Variants in ZFR observed in about 807,000 individuals in gnomAD.
ZFR encodes the protein zinc finger RNA-binding protein.
A neutral mutation model predicts 130.7 loss-of-function variants in ZFR; 19 were observed. The ratio of observed to expected loss-of-function variants is 0.15; its 90% confidence interval spans 0.10 to 0.21. ZFR has a LOEUF of 0.21. Ranked by LOEUF, ZFR falls within the 10% of genes least tolerant of loss-of-function variation. The pLI, the probability that ZFR is intolerant of heterozygous loss-of-function variation, is 1.00. For synonymous variants in ZFR, 466 were observed against 456.9 expected, an observed-to-expected ratio of 1.02 and a Z score of -0.25; for missense variants, 872 against 1,321.5, an observed-to-expected ratio of 0.66 and a Z score of 5.27.
intron 2 of ZFR, among the ~76,000 whole-genome samples, chr5:32,430,813 C>T (rs921812885): frequency 6.6e-6 from 1 of 152,200 alleles, no homozygotes; most frequent in Non-Finnish European, 1.5e-5. Context: ...TGGTGCCTCA[C>T]ACCTGTAATC....
At chr5:32,364,569 C>T (rs910947247) in intron 17 of ZFR, 2 of 161,422 alleles carry the variant, frequency 1.2e-5, no homozygotes, top group East Asian at 1.7e-4. Context: ...CAAAAAAAAC[C>T]CCAAAAAACC....
At chr5:32,374,001 AG>A (rs1463495643) in intron 17 of ZFR, among the ~76,000 whole-genome samples, 1 of 152,188 alleles carries the variant, frequency 6.6e-6, no homozygotes, top group Non-Finnish European at 1.5e-5. Context: ...CTCTCAAAGA[AG>A]GCCTGGGTAG....
chr5:32,369,295 C>T (rs964796606), intron 17 of ZFR, among the ~76,000 whole-genome samples: 9 of 151,952 alleles, frequency 5.9e-5, no homozygotes, highest in Non-Finnish European at 1.2e-4. Context: ...CAGCAACAGC[C>T]GGGAGAACTT....
chr5:32,424,623 T>G (rs1046253973), intron 2 of ZFR, among the ~76,000 whole-genome samples: 1 of 151,790 alleles, frequency 6.6e-6, no homozygotes, highest in Non-Finnish European at 1.5e-5. Flanking sequence ...AATAAAAGAC[T>G]TTATAGGTGA....
rs1441927620 is a variant in ZFR at position 32,444,341 on chromosome 5, C to G, written c.38-13G>C. 6.5e-7 allele frequency: 1 copy of G among 1,534,376 alleles called. No homozygotes were observed. The highest frequency in any genetic ancestry group is 2.6e-5 in the East Asian group (1 of 39,176). ...AGCCGGCTGGGCACTGCGGCGGGCA[C>G]GAAGAGTCGGGTCCCATGGCGGGAC... On this transcript the variant is annotated splice_polypyrimidine_tract_variant and intron_variant, in intron 1 of 19. Transcript: ENST00000265069.
chr5:32,444,447 C>A (rs1033403899), intron 1 of ZFR, 119 bp from the exon 2 acceptor site: 1 of 1,302,326 alleles, frequency 7.7e-7, no homozygotes, highest in African/African-American at 1.6e-5. Flanking sequence ...CCTGGCGGGG[C>A]CCAGGCCGCG....
chr5:32,395,680 T>TC (rs1342865863), intron 10 of ZFR, among the ~76,000 whole-genome samples: 1 of 152,154 alleles, frequency 6.6e-6, no homozygotes, highest in Non-Finnish European at 1.5e-5. Flanking sequence ...GACCAACCCC[T>TC]CCTCTTCTTC....
chr5:32,411,985 TAAC>T (rs1024627544), intron 5 of ZFR, among the ~76,000 whole-genome samples: 1 of 151,626 alleles, frequency 6.6e-6, no homozygotes, highest in African/African-American at 2.4e-5. Flanking sequence ...TTCATAGTAA[TAAC>T]AAAAAAAGAA....
chr5:32,439,753 C>T (rs1205113793), intron 2 of ZFR, among the ~76,000 whole-genome samples: 3 of 134,368 alleles, frequency 2.2e-5, no homozygotes, highest in African/African-American at 5.6e-5. Flanking sequence ...CTGCAGTGAG[C>T]TATGATCACC....
At chr5:32,421,913 G>A (rs937125254) in intron 2 of ZFR, among the ~76,000 whole-genome samples, 1 of 151,940 alleles carries the variant, frequency 6.6e-6, no homozygotes, top group Non-Finnish European at 1.5e-5. Context: ...ATATCTGTAA[G>A]AAAATGCCAG....
At chr5:32,374,085 A>G (rs1349761585) in intron 17 of ZFR, among the ~76,000 whole-genome samples, 1 of 152,334 alleles carries the variant, frequency 6.6e-6, no homozygotes, top group Non-Finnish European at 1.5e-5. Context: ...GTCTATTCAT[A>G]CAAGTAACAA....
chr5:32,429,874 G>A (rs1754163321), intron 2 of ZFR, among the ~76,000 whole-genome samples: 1 of 151,952 alleles, frequency 6.6e-6, no homozygotes, highest in African/African-American at 2.4e-5. Flanking sequence ...TTTGACACTA[G>A]GCTGGGTAAT....
intron 4 of ZFR, among the ~76,000 whole-genome samples, chr5:32,416,302 T>C (rs1753823927): frequency 6.6e-6 from 1 of 152,154 alleles, no homozygotes; most frequent in Non-Finnish European, 1.5e-5. Context: ...TAAATTATTA[T>C]ACACGGAAAT....
chr5:32,397,719 T>G (rs1471473843), intron 9 of ZFR, among the ~76,000 whole-genome samples: 1 of 152,068 alleles, frequency 6.6e-6, no homozygotes, highest in Admixed American at 6.6e-5. Flanking sequence ...CCTCCCAAAG[T>G]GCTGGGATTA....
At position 32,384,041 on chromosome 5, in the gene ZFR, C is replaced by T. The variant is rs1752985874; in HGVS notation, c.2641+1467G>A. ...GGATAGGTTATCAAATAATTTACTG[C>T]AAATATGACACTATTCACTTTAGAC... On this transcript the variant is annotated intron_variant, in intron 15 of 19. Transcript: ENST00000265069. Among the ~76,000 whole-genome samples, 6 of 152,240 alleles carry T rather than the reference C, an allele frequency of 3.9e-5. No individual in the cohort carries two copies. The South Asian group carries it at 1.2e-3, about 32-fold the overall frequency.
intron 16 of ZFR, chr5:32,379,616 A>C (rs1275346627): frequency 4.5e-6 from 1 of 224,572 alleles, no homozygotes; most frequent in Non-Finnish European, 8.8e-6. Flanking sequence ...ATGACTGCAA[A>C]GTCACTAAAC....
At chr5:32,439,489 T>A (rs979623705) in intron 2 of ZFR, among the ~76,000 whole-genome samples, 1 of 152,318 alleles carries the variant, frequency 6.6e-6, no homozygotes, top group African/African-American at 2.4e-5. Context: ...AGTTATCTCA[T>A]CCTTTAGGAA....
intron 11 of ZFR, among the ~76,000 whole-genome samples, chr5:32,392,382 A>G (rs1016076369): frequency 2.6e-5 from 4 of 152,242 alleles, no homozygotes; most frequent in Non-Finnish European, 4.4e-5. Flanking sequence ...CATAAAGGAC[A>G]TAACTGATAA....
intron 5 of ZFR, among the ~76,000 whole-genome samples, chr5:32,407,422 T>C (rs900051786): frequency 1.3e-5 from 2 of 148,968 alleles, no homozygotes; most frequent in Non-Finnish European, 1.5e-5. Context: ...GGATACTAGA[T>C]AGGAAAAACA....
Sources: allele counts gnomAD v4.1 joint callset (sites outside exome capture counted in the v4.1 genomes callset), GRCh38; gene constraint gnomAD v4.1.1; transcripts MANE v1.5; gene names NCBI Gene and HGNC (gene_info 2026-07-23, HGNC 2026-07-21).